The following CDH18 variants were observed in gnomAD, a reference collection of about 807,000 sequenced individuals.
CDH18 encodes cadherin-18.
CDH18 carries 31 observed loss-of-function variants against 67.9 expected under a neutral mutation model. The ratio of observed to expected loss-of-function variants is 0.46; its 90% CI spans 0.34 to 0.62. The LOEUF (loss-of-function observed/expected upper bound fraction) is 0.62, where lower values mean the gene tolerates loss of function less well. Among genes scored for constraint, CDH18 ranks in the 20% least tolerant of loss-of-function variants. The pLI is 0.01. For synonymous variants in CDH18, 362 were observed against 347.2 expected (o/e 1.04, Z -0.48); for missense variants, 890 against 975.5 (o/e 0.91, Z 1.17).
intron 5 of CDH18, among the ~76,000 whole-genome samples, chr5:19,673,406 G>C (rs1227965392): frequency 6.6e-6 from 1 of 151,808 alleles, no homozygotes; most frequent in Admixed American, 6.6e-5. Context: ...AAATGTTATA[G>C]TTCTAGACTA....
In CDH18 at chr5:20,291,958, G is replaced by A. The variant is rs144507801; in HGVS notation, c.-579-36453C>T. On this transcript the variant is annotated intron_variant, in intron 1 of 14. Transcript: ENST00000507958. ...ACCTCAGAGTTTTGACCTCTTTCCC[G>A]TAATTTCCTTCCTAGCCTCTCCTCT... 2.1e-3 allele frequency among the ~76,000 whole-genome samples: 316 copies of A among 152,114 alleles called. 2 individuals are homozygous for A. The highest frequency in any genetic ancestry group is 5.3e-3 in the Admixed American group (81 of 15,278).
At chr5:20,046,763 G>A (rs1304570160) in intron 2 of CDH18, among the ~76,000 whole-genome samples, 2 of 151,362 alleles carry the variant, frequency 1.3e-5, no homozygotes, top group South Asian at 2.1e-4. Context: ...TAATAATGAA[G>A]GACTGAATGT....
At chr5:19,474,391 T>A (rs1342086289) in intron 12 of CDH18, among the ~76,000 whole-genome samples, 1 of 152,188 alleles carries the variant, frequency 6.6e-6, no homozygotes, top group Admixed American at 6.6e-5. Flanking sequence ...ATAACTTATT[T>A]ATTTAATTCT....
intron 2 of CDH18, among the ~76,000 whole-genome samples, chr5:20,105,271 G>A (rs1479214420): frequency 2.6e-5 from 4 of 152,152 alleles, no homozygotes; most frequent in Admixed American, 6.5e-5. Flanking sequence ...ATAGGCATGA[G>A]CTACTGTGCC....
chr5:20,459,005 T>C lies in CDH18; in HGVS notation c.-580+116457A>G, dbSNP rs551277256. Among the ~76,000 whole-genome samples, 4 of 150,528 alleles carry C rather than the reference T, an allele frequency of 2.7e-5. No individual in the cohort carries two copies. In the South Asian group the frequency reaches 8.5e-4, roughly 32 times the overall value. On this transcript the variant is annotated intron_variant, in intron 1 of 14. Transcript: ENST00000507958. ...AACCAATTTCCTAAAAAAAAGTGTA[T>C]ACATTTGAGCACATGCCTGAAATGA...
intron 4 of CDH18, among the ~76,000 whole-genome samples, chr5:19,742,478 T>C (rs17221318): frequency 0.099 from 15,115 of 152,094 alleles, 848 homozygotes; most frequent in Admixed American, 0.15. Flanking sequence ...TTATCCTGTA[T>C]GTCAAATGTC....
intron 2 of CDH18, among the ~76,000 whole-genome samples, chr5:20,019,608 A>G (rs538026635): frequency 6.6e-6 from 1 of 151,638 alleles, no homozygotes; most frequent in African/African-American, 2.4e-5. Flanking sequence ...GCTTCCCCTC[A>G]CCTTCTGCCA....
chr5:20,468,333 C>T (rs962450966), intron 1 of CDH18, among the ~76,000 whole-genome samples: 2 of 152,074 alleles, frequency 1.3e-5, no homozygotes, highest in Admixed American at 1.3e-4. Flanking sequence ...TTTCTAATTG[C>T]CAATACATTT....
At chr5:20,164,852 C>T (rs1736167945) in intron 2 of CDH18, among the ~76,000 whole-genome samples, 1 of 152,118 alleles carries the variant, frequency 6.6e-6, no homozygotes, top group South Asian at 2.1e-4. Context: ...ACATTGTTTG[C>T]ATAACCCATC....
intron 3 of CDH18, among the ~76,000 whole-genome samples, chr5:19,795,947 T>A (rs1292545524): frequency 1.3e-5 from 2 of 152,142 alleles, no homozygotes; most frequent in East Asian, 3.9e-4. Context: ...ATAACAGGAA[T>A]GAAAACATTG....
chr5:20,186,372 G>A (rs921992465), intron 2 of CDH18, among the ~76,000 whole-genome samples: 9 of 151,904 alleles, frequency 5.9e-5, no homozygotes, highest in Non-Finnish European at 5.9e-5. Context: ...GGAAATATTT[G>A]CAAATCCCAT....
At chr5:19,568,499 A>C (rs1013431438) in intron 8 of CDH18, among the ~76,000 whole-genome samples, 4 of 152,184 alleles carry the variant, frequency 2.6e-5, no homozygotes, top group Non-Finnish European at 5.9e-5. Context: ...AGACTCAAGA[A>C]CTGTGATAAA....
chr5:19,610,964 A>G (rs1748856053), intron 6 of CDH18, among the ~76,000 whole-genome samples: 1 of 152,166 alleles, frequency 6.6e-6, no homozygotes, highest in South Asian at 2.1e-4. Context: ...AACATTTTAA[A>G]ATGATTTTTA....
intron 1 of CDH18, among the ~76,000 whole-genome samples, chr5:20,294,759 T>G (rs543768123): frequency 6.6e-6 from 1 of 152,298 alleles, no homozygotes; most frequent in African/African-American, 2.4e-5. Flanking sequence ...TTTACAAAAT[T>G]AAAAAATAAG....
intron 1 of CDH18, among the ~76,000 whole-genome samples, chr5:20,452,645 A>T (rs1004752969): frequency 2.6e-5 from 4 of 152,110 alleles, no homozygotes; most frequent in African/African-American, 9.7e-5. Flanking sequence ...TCAGAAAAAA[A>T]TAACTATTGT....
At chr5:20,425,067 TA>T (rs991284028) in intron 1 of CDH18, among the ~76,000 whole-genome samples, 3 of 149,896 alleles carry the variant, frequency 2.0e-5, no homozygotes, top group East Asian at 1.9e-4. Flanking sequence ...GTCTTAGAGT[TA>T]AAAAAAAATT....
chr5:19,678,317 A>T (rs1450666906), intron 5 of CDH18, among the ~76,000 whole-genome samples: 3 of 151,942 alleles, frequency 2.0e-5, no homozygotes, highest in African/African-American at 7.2e-5. Flanking sequence ...ATAAATAAAT[A>T]CTAGAAAAAT....
At chr5:19,474,711 T>G (rs912442973) in intron 12 of CDH18, among the ~76,000 whole-genome samples, 11 of 152,104 alleles carry the variant, frequency 7.2e-5, no homozygotes, top group Admixed American at 3.9e-4. Flanking sequence ...AATACTCTAC[T>G]TCAGTATTTC....
chr5:19,630,646 G>T (rs1752291751), intron 5 of CDH18, among the ~76,000 whole-genome samples: 1 of 152,142 alleles, frequency 6.6e-6, no homozygotes, highest in African/African-American at 2.4e-5. Context: ...TTTCTTAGTA[G>T]GGGGATCTAG....
Sources: allele counts gnomAD v4.1 joint callset (sites outside exome capture counted in the v4.1 genomes callset), GRCh38; gene constraint gnomAD v4.1.1; transcripts MANE v1.5; gene names NCBI Gene and HGNC (gene_info 2026-07-23, HGNC 2026-07-21).